The following ANKS1B variants were observed in gnomAD, a reference collection of about 807,000 sequenced individuals.
ANKS1B encodes ankyrin repeat and sterile alpha motif domain-containing protein 1B.
ANKS1B carries 36 observed loss-of-function variants against 148.3 expected under a neutral mutation model. That is an observed-to-expected ratio of 0.24 (90% CI 0.19 to 0.32). ANKS1B has a LOEUF of 0.32. Ranked by LOEUF, ANKS1B falls within the 10% of genes least tolerant of loss-of-function variation. The pLI is 1.00. For synonymous variants in ANKS1B, 542 were observed against 560.8 expected (o/e 0.97, Z 0.47); for missense variants, 1,157 against 1,542.6 (o/e 0.75, Z 4.19).
At chr12:98,835,623 C>A (rs1004100392) in intron 17 of ANKS1B, among the ~76,000 whole-genome samples, 3 of 152,232 alleles carry the variant, frequency 2.0e-5, no homozygotes, top group African/African-American at 7.2e-5. Flanking sequence ...CCATCCACAT[C>A]GCTTAATCTT....
chr12:98,964,410 T>C (rs753498191), intron 17 of ANKS1B, among the ~76,000 whole-genome samples: 3 of 152,130 alleles, frequency 2.0e-5, no homozygotes, highest in Non-Finnish European at 2.9e-5. Flanking sequence ...AAAATTAAAA[T>C]GGAACTATCA....
chr12:99,498,583 C>T (rs2096626094), intron 10 of ANKS1B, among the ~76,000 whole-genome samples: 1 of 152,146 alleles, frequency 6.6e-6, no homozygotes, highest in Non-Finnish European at 1.5e-5. Context: ...TTGTTCATTG[C>T]CCTTATTATC....
chr12:98,825,916 C>A (rs1447855386), intron 19 of ANKS1B, among the ~76,000 whole-genome samples: 2 of 152,140 alleles, frequency 1.3e-5, no homozygotes, highest in Non-Finnish European at 2.9e-5. Flanking sequence ...GTGTAGGACA[C>A]CTTGTTTGTG....
intron 4 of ANKS1B, among the ~76,000 whole-genome samples, chr12:99,786,367 T>C (rs1162873974): frequency 6.6e-6 from 1 of 152,116 alleles, no homozygotes; most frequent in Non-Finnish European, 1.5e-5. Context: ...GCCTGGACTT[T>C]AACCAGCCAC....
chr12:99,035,974 G>A (rs142676192), intron 17 of ANKS1B, among the ~76,000 whole-genome samples: 1 of 152,202 alleles, frequency 6.6e-6, no homozygotes, highest in African/African-American at 2.4e-5. Flanking sequence ...CAGACAGCCT[G>A]TTGGCTCTGA....
Position 98,879,957 on chromosome 12 carries a change from G to A in ANKS1B, c.2779-47821C>T, listed in dbSNP as rs541634120. Among the ~76,000 whole-genome samples the A allele has an allele frequency of 6.6e-5, 10 of 152,224 alleles. No homozygotes were observed. In the South Asian group the frequency reaches 2.1e-3, roughly 32 times the overall value. On this transcript the variant is annotated intron_variant, in intron 17 of 26. Coordinates refer to ENST00000683438, the MANE Select transcript of ANKS1B (RefSeq NM_001352186.2). ...TGACACTTGAATAAACAAAAAAGGA[G>A]TTGATTACTGAGATTCTTTGTTTTT... is the stretch of plus-strand genomic sequence containing the variant.
chr12:99,735,807 C>CAAAAAAAAAAAAA (rs376398944), intron 8 of ANKS1B, among the ~76,000 whole-genome samples: 2 of 108,926 alleles, frequency 1.8e-5, no homozygotes, highest in Non-Finnish European at 3.8e-5. Flanking sequence ...GGACATATAC[C>CAAAAAAAAAAAAA]AAAAAAAAAA....
rs78112951 is a variant in ANKS1B, at chr12:99,732,653, T to G, written c.1128+40269A>C. On this transcript the variant is annotated intron_variant, in intron 8 of 26. Coordinates refer to ENST00000683438, the MANE Select transcript of ANKS1B (RefSeq NM_001352186.2). Reference sequence around the variant, plus strand: ...AAGAATGATGAAAATATTTTATATCTTTATTATGGTTTTAGTTACATTACT... The same window carrying G: ...AAGAATGATGAAAATATTTTATATCGTTATTATGGTTTTAGTTACATTACT... Among the ~76,000 whole-genome samples, 730 of 152,310 alleles carry G rather than the reference T, an allele frequency of 4.8e-3. 5 individuals are homozygous for G. The highest frequency in any genetic ancestry group is 0.017 in the African/African-American group (687 of 41,566).
intron 9 of ANKS1B, among the ~76,000 whole-genome samples, chr12:99,547,704 T>C (rs2097183706): frequency 6.6e-6 from 1 of 152,322 alleles, no homozygotes; most frequent in African/African-American, 2.4e-5. Flanking sequence ...TCTTAAATGT[T>C]TTCTGAATTG....
intron 12 of ANKS1B, among the ~76,000 whole-genome samples, chr12:99,320,954 G>A (rs1196933636): frequency 1.3e-5 from 2 of 152,182 alleles, no homozygotes; most frequent in East Asian, 1.9e-4. Flanking sequence ...GTCTGTTGGA[G>A]TTTGCTGGAG....
At position 98,751,243 on chromosome 12, in the gene ANKS1B, T is replaced by C; in HGVS notation, c.3747+112A>G. On this transcript the variant is annotated intron_variant, in intron 26 of 26. Coordinates refer to ENST00000683438, the MANE Select transcript of ANKS1B (RefSeq NM_001352186.2). The surrounding 1 kb of genome is among the most constrained non-coding windows in gnomAD (Gnocchi z 4.3). ...GCCAGGAGGAGGCCAAGGGAAAGGA[T>C]GAAGAAGAGGCCCTGGGTTCTAATG... 8.9e-7 allele frequency: 1 copy of C among 1,123,278 alleles called. No individual in the cohort carries two copies. Among genetic ancestry groups the C allele is most frequent in the Non-Finnish European group, 1.3e-6 (1 of 796,410 alleles). The allele number at this position is 1,123,278 out of a possible 1,614,324, so 69.6% of individuals were successfully genotyped here.
chr12:99,098,896 G>C (rs934614088), intron 15 of ANKS1B, among the ~76,000 whole-genome samples: 1 of 108,702 alleles, frequency 9.2e-6, no homozygotes, highest in Non-Finnish European at 2.1e-5. Context: ...CTGTTTTGAA[G>C]TTCTTCCTAA....
intron 2 of ANKS1B, among the ~76,000 whole-genome samples, chr12:99,813,934 C>A (rs1017309650): frequency 6.6e-6 from 1 of 151,658 alleles, no homozygotes; most frequent in Admixed American, 6.6e-5. Flanking sequence ...AACAACAGAC[C>A]ATCCGCATAT....
intron 17 of ANKS1B, among the ~76,000 whole-genome samples, chr12:98,842,045 A>C (rs1002698826): frequency 5.3e-5 from 8 of 152,204 alleles, no homozygotes; most frequent in African/African-American, 1.9e-4. Context: ...TTTCTAACAT[A>C]TAACCCAGCA....
chr12:99,829,478 G>C (rs974341573), intron 1 of ANKS1B, among the ~76,000 whole-genome samples: 2 of 152,080 alleles, frequency 1.3e-5, no homozygotes, highest in African/African-American at 4.8e-5. Context: ...GTGAAACCCT[G>C]TCTCTACTAA....
At chr12:99,105,593 C>T (rs1203581251) in intron 15 of ANKS1B, among the ~76,000 whole-genome samples, 1 of 151,532 alleles carries the variant, frequency 6.6e-6, no homozygotes, top group African/African-American at 2.4e-5. Context: ...ATGGTGAAAC[C>T]CCATCTCTAC....
intron 10 of ANKS1B, among the ~76,000 whole-genome samples, chr12:99,493,006 C>T (rs185232859): frequency 1.0e-3 from 153 of 152,290 alleles, no homozygotes; most frequent in African/African-American, 3.5e-3. Flanking sequence ...CTCACCACTC[C>T]TATTTCACGT....
At chr12:98,864,950 T>C (rs1279463909) in intron 17 of ANKS1B, among the ~76,000 whole-genome samples, 2 of 152,202 alleles carry the variant, frequency 1.3e-5, no homozygotes, top group Admixed American at 6.5e-5. Context: ...GATACTGTTT[T>C]CATCTTCAGC....
chr12:99,438,726 G>A (rs2095500914), intron 11 of ANKS1B, among the ~76,000 whole-genome samples: 1 of 151,774 alleles, frequency 6.6e-6, no homozygotes. Context: ...CATATCAACA[G>A]AACCAAGAGT....
Sources: gnomAD v4.1 joint callset for allele counts (sites outside exome capture counted in the v4.1 genomes callset) on GRCh38, gnomAD v4.1.1 for gene constraint, Gnocchi (gnomAD v3.1) non-coding constraint, MANE v1.5 for transcripts, NCBI Gene and HGNC (gene_info 2026-07-23, HGNC 2026-07-21) for gene names.